ZMAT4: variants seen among roughly 807,000 people sequenced by gnomAD.
The protein encoded by ZMAT4 is zinc finger matrin-type protein 4.
Under a neutral mutation model 28.7 loss-of-function variants are expected in ZMAT4, and 17 were observed. The observed-to-expected ratio is 0.59, with a 90% CI of 0.41 to 0.89. The LOEUF is 0.89. Ranked by LOEUF, ZMAT4 falls within the 40% of genes least tolerant of loss-of-function variation. The pLI, the probability that ZMAT4 is intolerant of heterozygous loss-of-function variation, is 0.00. For missense variants in ZMAT4, 240 were observed against 283.8 expected (o/e 0.85, Z 1.11); for synonymous variants, 117 against 109.2 (o/e 1.07, Z -0.44).
chr8:40,576,804 G>T lies in ZMAT4; in HGVS notation c.674+4361C>A, dbSNP rs1438402402. Among the ~76,000 whole-genome samples the T allele has an allele frequency of 2.0e-5, 3 of 152,162 alleles. No individual in the cohort carries two copies. In the East Asian group the frequency reaches 5.8e-4, roughly 29 times the overall value. On this transcript the variant is annotated intron_variant, in intron 6 of 6. Transcript: ENST00000297737. ...CTACGAAAAACCACCAAACTGCAAA[G>T]ATAAACAATAAATCCAAAACCTAAA... is the stretch of plus-strand genomic sequence containing the variant.
At chr8:40,541,528 C>T (rs1292683723) in intron 6 of ZMAT4, among the ~76,000 whole-genome samples, 1 of 152,136 alleles carries the variant, frequency 6.6e-6, no homozygotes, top group Non-Finnish European at 1.5e-5. Context: ...TCCTCAGTCA[C>T]ACTAGCCACT....
chr8:40,897,469 A>T (rs931474843), intron 1 of ZMAT4, among the ~76,000 whole-genome samples: 3 of 152,212 alleles, frequency 2.0e-5, no homozygotes, highest in African/African-American at 7.2e-5. Flanking sequence ...AGCGCAGCTA[A>T]TTAGGAGTAG....
At chr8:40,581,021 G>T in intron 6 of ZMAT4, 144 bp downstream of exon 6, 1 of 589,620 alleles carries the variant, frequency 1.7e-6, no homozygotes, top group Non-Finnish European at 2.9e-6. Flanking sequence ...CTTCAAGTAA[G>T]CATAAATATC....
At chr8:40,539,753 TAG>T (rs1305333995) in intron 6 of ZMAT4, among the ~76,000 whole-genome samples, 4 of 152,210 alleles carry the variant, frequency 2.6e-5, no homozygotes, top group African/African-American at 7.2e-5. Context: ...TCTTGTACAA[TAG>T]AGTTTGTCAG....
At chr8:40,689,555 A>C (rs1809568086) in intron 4 of ZMAT4, among the ~76,000 whole-genome samples, 1 of 152,190 alleles carries the variant, frequency 6.6e-6, no homozygotes, top group Admixed American at 6.5e-5. Flanking sequence ...AAGAATGGGA[A>C]TATAGTTTGG....
At position 40,688,287 on chromosome 8, in the gene ZMAT4, C is replaced by G. The variant is rs537922278; in HGVS notation, c.349+8958G>C. ...CCTGACCAACATGGTGAAATCCCAT[C>G]TCTACTAAAAATACAAAAATTAGCT... is the stretch of plus-strand genomic sequence containing the variant. On this transcript the variant is annotated intron_variant, in intron 4 of 6. Transcript: ENST00000297737. 2.6e-5 allele frequency among the ~76,000 whole-genome samples: 4 copies of G among 152,152 alleles called. No individual in the cohort carries two copies. The East Asian group carries it at 7.7e-4, about 29-fold the overall frequency.
intron 3 of ZMAT4, among the ~76,000 whole-genome samples, chr8:40,707,976 G>A (rs1231250987): frequency 1.3e-5 from 2 of 152,024 alleles, no homozygotes; most frequent in South Asian, 2.1e-4. Flanking sequence ...CAGTGGTATC[G>A]TTTTTTTAAA....
At chr8:40,589,570 G>A (rs1804782583) in intron 5 of ZMAT4, among the ~76,000 whole-genome samples, 1 of 152,114 alleles carries the variant, frequency 6.6e-6, no homozygotes, top group African/African-American at 2.4e-5. Context: ...TTAAAGGTTT[G>A]AAGAAACCAT....
intron 3 of ZMAT4, among the ~76,000 whole-genome samples, chr8:40,706,288 C>A (rs1435411266): frequency 1.3e-5 from 2 of 151,992 alleles, no homozygotes; most frequent in Non-Finnish European, 2.9e-5. Flanking sequence ...TCTCCTGACC[C>A]CGTGATCCAC....
At chr8:40,567,411 A>G (rs1438886941) in intron 6 of ZMAT4, among the ~76,000 whole-genome samples, 1 of 152,168 alleles carries the variant, frequency 6.6e-6, no homozygotes, top group Non-Finnish European at 1.5e-5. Context: ...AACACAATAT[A>G]GAATGGTCTA....
chr8:40,694,416 G>C (rs1809785938), intron 4 of ZMAT4, among the ~76,000 whole-genome samples: 1 of 152,154 alleles, frequency 6.6e-6, no homozygotes, highest in Non-Finnish European at 1.5e-5. Context: ...CAGCATGCTT[G>C]TATTAAATGG....
In ZMAT4 at chr8:40,579,307, G is replaced by T. The variant is rs1451684; in HGVS notation, c.674+1858C>A. Among the ~76,000 whole-genome samples the T allele has an allele frequency of 3.8e-4, 58 of 152,164 alleles. 2 individuals carry two copies. The South Asian group carries it at 0.011, about 28-fold the overall frequency. ...TCCCAAAAAGTTATCTTTTATTGTT[G>T]CAGGTATTTGTGTGTCTGTCTGCAC... On this transcript the variant is annotated intron_variant, in intron 6 of 6. Coordinates refer to ENST00000297737, the MANE Select transcript of ZMAT4 (RefSeq NM_024645.3).
intron 1 of ZMAT4, among the ~76,000 whole-genome samples, chr8:40,835,950 A>G (rs973316463): frequency 1.3e-5 from 2 of 152,168 alleles, no homozygotes; most frequent in Non-Finnish European, 2.9e-5. Context: ...TCCATGTAAA[A>G]GTATGTAGAG....
chr8:40,617,673 A>G (rs1806058075), intron 5 of ZMAT4, among the ~76,000 whole-genome samples: 1 of 152,228 alleles, frequency 6.6e-6, no homozygotes, highest in Non-Finnish European at 1.5e-5. Flanking sequence ...AGTTAAATAA[A>G]CAGCATAGAG....
intron 5 of ZMAT4, among the ~76,000 whole-genome samples, chr8:40,653,739 C>A (rs1370750967): frequency 1.3e-5 from 2 of 152,108 alleles, no homozygotes; most frequent in African/African-American, 4.8e-5. Context: ...TGTGAGTAGA[C>A]TTATAACAAG....
chr8:40,754,820 C>G (rs1319256294), intron 3 of ZMAT4, among the ~76,000 whole-genome samples: 1 of 152,074 alleles, frequency 6.6e-6, no homozygotes, highest in African/African-American at 2.4e-5. Flanking sequence ...CGAGACCAGC[C>G]TGGGCAACAT....
At chr8:40,779,032 C>A (rs1293569862) in intron 2 of ZMAT4, among the ~76,000 whole-genome samples, 3 of 152,116 alleles carry the variant, frequency 2.0e-5, no homozygotes, top group African/African-American at 7.2e-5. Context: ...TGTCACCACC[C>A]AAATTTCATC....
At position 40,792,129 on chromosome 8, in the gene ZMAT4, T is replaced by C. The variant is rs567150625; in HGVS notation, c.103-24399A>G. ...TCCTTACCTACAAAAAAATCCTATGTTTCACTTTCAATATTCTACATTTCT... is the reference window on the plus strand; with the variant it reads ...TCCTTACCTACAAAAAAATCCTATGCTTCACTTTCAATATTCTACATTTCT... On this transcript the variant is annotated intron_variant, in intron 2 of 6. Coordinates refer to ENST00000297737, the MANE Select transcript of ZMAT4 (RefSeq NM_024645.3). Among the ~76,000 whole-genome samples, 25 of 152,308 alleles carry C rather than the reference T, an allele frequency of 1.6e-4. 1 individual carries two copies. In the South Asian group the frequency reaches 5.2e-3, roughly 32 times the overall value.
intron 5 of ZMAT4, among the ~76,000 whole-genome samples, chr8:40,642,102 T>C (rs1807058149): frequency 6.6e-6 from 1 of 152,210 alleles, no homozygotes; most frequent in African/African-American, 2.4e-5. Flanking sequence ...GGATGCTCAA[T>C]TAAATTTGAA....
Sources: allele counts gnomAD v4.1 joint callset (sites outside exome capture counted in the v4.1 genomes callset), GRCh38; gene constraint gnomAD v4.1.1; transcripts MANE v1.5; gene names NCBI Gene and HGNC (gene_info 2026-07-23, HGNC 2026-07-21).